CTNNA2: variants seen among roughly 807,000 people sequenced by gnomAD.
CTNNA2 encodes catenin alpha-2.
Under a neutral mutation model 101.0 loss-of-function variants are expected in CTNNA2, and 42 were observed. That is an observed-to-expected ratio of 0.42 (90% confidence interval 0.32 to 0.54). CTNNA2 has a LOEUF of 0.54. Ranked by LOEUF, CTNNA2 falls within the 20% of genes least tolerant of loss-of-function variation. The pLI, the probability that CTNNA2 is intolerant of heterozygous loss-of-function variation, is 0.14. For missense variants in CTNNA2, 871 were observed against 1,223.1 expected (o/e 0.71, Z 4.29); for synonymous variants, 450 against 456.4 (o/e 0.99, Z 0.18).
chr2:80,117,018 A>C (rs750072368), intron 7 of CTNNA2, among the ~76,000 whole-genome samples: 6 of 151,932 alleles, frequency 3.9e-5, no homozygotes, highest in Non-Finnish European at 7.4e-5. Flanking sequence ...AGTTCTGGGA[A>C]TTGGGAGAAA....
intron 7 of CTNNA2, among the ~76,000 whole-genome samples, chr2:80,044,785 TA>T (rs1306949777): frequency 6.6e-6 from 1 of 152,128 alleles, no homozygotes; most frequent in East Asian, 1.9e-4. Flanking sequence ...GACAAACATA[TA>T]AAAAATTTAT....
intron 9 of CTNNA2, among the ~76,000 whole-genome samples, chr2:80,489,725 T>G (rs1316334740): frequency 1.3e-5 from 2 of 152,332 alleles, no homozygotes; most frequent in African/African-American, 4.8e-5. Flanking sequence ...TCTTCTTGGT[T>G]GTAAACTTAC....
intron 3 of CTNNA2, among the ~76,000 whole-genome samples, chr2:79,347,773 C>T (rs1012876532): frequency 9.0e-5 from 13 of 143,908 alleles, no homozygotes; most frequent in South Asian, 2.2e-4. Context: ...CTTTTTCCTA[C>T]GTCTCCTAGC....
At chr2:80,638,051 G>T (rs1558668144) in intron 18 of CTNNA2, among the ~76,000 whole-genome samples, 1 of 152,150 alleles carries the variant, frequency 6.6e-6, no homozygotes, top group African/African-American at 2.4e-5. Context: ...CTAGATAATT[G>T]TTCCTCTTAC....
At chr2:80,355,140 C>T (rs1015544546) in intron 7 of CTNNA2, among the ~76,000 whole-genome samples, 6 of 152,164 alleles carry the variant, frequency 3.9e-5, no homozygotes, top group Admixed American at 2.0e-4. Context: ...TTGTAGCAGA[C>T]ATCGCTATAT....
At position 79,399,889 on chromosome 2, in the gene CTNNA2, C is replaced by T. The variant is rs531009813; in HGVS notation, c.-135+25876C>T. Among the ~76,000 whole-genome samples the T allele has an allele frequency of 3.3e-5, 5 of 152,044 alleles. No homozygotes were observed. The East Asian group carries it at 7.8e-4, about 24-fold the overall frequency. ...GGATGAGAATGATTCCCTATGTGAA[C>T]CCCCAAATATCTGAGACAGGTCTCA... On this transcript the variant is annotated intron_variant, in intron 4 of 21. Coordinates refer to the CTNNA2 transcript ENST00000466387.
chr2:79,255,617 A>G (rs1432671950), intron 2 of CTNNA2, among the ~76,000 whole-genome samples: 1 of 152,182 alleles, frequency 6.6e-6, no homozygotes, highest in African/African-American at 2.4e-5. Flanking sequence ...AAAGACTGGA[A>G]CATAGCAAAA....
chr2:80,554,947 C>T (rs1011825965), intron 11 of CTNNA2, among the ~76,000 whole-genome samples: 6 of 152,178 alleles, frequency 3.9e-5, no homozygotes, highest in Non-Finnish European at 2.9e-5. Flanking sequence ...TTCTCTATGC[C>T]ATTAGAGAGT....
chr2:80,428,983 G>C (rs1052324558), intron 9 of CTNNA2, among the ~76,000 whole-genome samples: 1 of 152,002 alleles, frequency 6.6e-6, no homozygotes, highest in African/African-American at 2.4e-5. Context: ...AGTTACTGAA[G>C]TTTCTCTAAT....
intron 7 of CTNNA2, among the ~76,000 whole-genome samples, chr2:80,062,702 CTTTTTTT>C (rs70940073): frequency 1.7e-5 from 2 of 117,508 alleles, no homozygotes; most frequent in Non-Finnish European, 3.4e-5. Flanking sequence ...GCACTGTGAT[CTTTTTTT>C]TTTTTTTTTT....
intron 7 of CTNNA2, among the ~76,000 whole-genome samples, chr2:80,132,165 G>T (rs764432569): frequency 2.0e-5 from 3 of 152,130 alleles, no homozygotes; most frequent in Non-Finnish European, 4.4e-5. Context: ...GTTTGTGGAA[G>T]TGAAGACGTC....
rs906521480 is a variant in CTNNA2 at position 80,233,735 on chromosome 2, A to C, written c.1057-159476A>C. ...CCATGGAGAAATATCTGCACAGCAAAATATCATCCATACCTTTAGGACACC... is the reference window on the plus strand; with the variant it reads ...CCATGGAGAAATATCTGCACAGCAACATATCATCCATACCTTTAGGACACC... On this transcript the variant is annotated intron_variant, in intron 7 of 18. Coordinates refer to ENST00000402739, the MANE Select transcript of CTNNA2 (RefSeq NM_001282597.3). Among the ~76,000 whole-genome samples the C allele has an allele frequency of 2.0e-5, 3 of 152,164 alleles. No homozygotes were observed. In the East Asian group the frequency reaches 5.8e-4, roughly 29 times the overall value.
chr2:80,347,414 T>C (rs1047721041), intron 7 of CTNNA2, among the ~76,000 whole-genome samples: 1 of 140,218 alleles, frequency 7.1e-6, no homozygotes, highest in Admixed American at 7.1e-5. Flanking sequence ...TGCTTTGGAC[T>C]GCTTTAGCAG....
chr2:80,113,223 T>C (rs558270498), intron 7 of CTNNA2, among the ~76,000 whole-genome samples: 2 of 152,336 alleles, frequency 1.3e-5, no homozygotes, highest in Admixed American at 1.3e-4. Context: ...TATAATTTGA[T>C]ACTGTGAAAC....
At chr2:80,171,038 T>C (rs1193310944) in intron 7 of CTNNA2, among the ~76,000 whole-genome samples, 1 of 152,244 alleles carries the variant, frequency 6.6e-6, no homozygotes, top group African/African-American at 2.4e-5. Context: ...GACCTGGCTG[T>C]GTAAATACTA....
chr2:80,347,986 T>G (rs1672924603), intron 7 of CTNNA2, among the ~76,000 whole-genome samples: 1 of 152,004 alleles, frequency 6.6e-6, no homozygotes, highest in South Asian at 2.1e-4. Flanking sequence ...GGTATGGGAT[T>G]CAGTTCGATC....
chr2:80,291,768 C>T (rs1675274162), intron 7 of CTNNA2, among the ~76,000 whole-genome samples: 1 of 152,156 alleles, frequency 6.6e-6, no homozygotes, highest in Non-Finnish European at 1.5e-5. Context: ...CACCAGAAGG[C>T]CCTTGTAGCT....
chr2:80,648,537 T>C lies in CTNNA2; in HGVS notation c.*665T>C, dbSNP rs1316917918. On this transcript the variant is annotated 3_prime_UTR_variant, in exon 19 of 19. Coordinates refer to ENST00000402739, the MANE Select transcript of CTNNA2 (RefSeq NM_001282597.3). ...AACAATAAACATCTATTTGAGACAA[T>C]TAAAATCCTTCTGGGGGCACTGGAA... 2 of 152,604 alleles carry C rather than the reference T, an allele frequency of 1.3e-5. No individual in the cohort carries two copies. The highest frequency in any genetic ancestry group is 2.9e-5 in the Non-Finnish European group (2 of 68,024). The allele number at this position is 152,604 out of a possible 1,614,324, so 9.5% of individuals were successfully genotyped here.
rs3979544 is a variant in CTNNA2, at chr2:79,443,903, ACTCTCTCTCTCTCT to A, written c.-134-61126_-134-61113del. On this transcript the variant is annotated intron_variant, in intron 4 of 21. Transcript: ENST00000466387. ...AAGCTTTTATCTTATTTGTATACAT[ACTCTCTCTCTCTCT>A]CTCTCTCTCTCTCTCTCTCTCTCTG... is the stretch of plus-strand genomic sequence containing the variant. 9.9e-5 allele frequency among the ~76,000 whole-genome samples: 14 copies of A among 141,910 alleles called. No individual in the cohort carries two copies. The South Asian group carries it at 1.7e-3, about 17-fold the overall frequency. 93.1% of individuals were successfully genotyped at this position (141,910 alleles called of 152,430 possible). A position where few individuals can be genotyped will look rare whatever the true frequency, so the allele number is the denominator to read the frequency against.
Sources: gnomAD v4.1 joint callset for allele counts (sites outside exome capture counted in the v4.1 genomes callset) on GRCh38, gnomAD v4.1.1 for gene constraint, MANE v1.5 for transcripts, NCBI Gene and HGNC (gene_info 2026-07-23, HGNC 2026-07-21) for gene names.